Variants in MFN2 observed in about 807,000 individuals in gnomAD.
MFN2 encodes the protein mitofusin 2.
MFN2 carries 43 observed loss-of-function variants against 87.5 expected under a neutral mutation model. That is an observed-to-expected ratio of 0.49 (90% CI 0.38 to 0.63). MFN2 has a LOEUF of 0.63. Among genes scored for constraint, MFN2 ranks in the 30% least tolerant of loss-of-function variants. MFN2 has a pLI of 0.00. For synonymous variants in MFN2, 337 were observed against 359.9 expected (o/e 0.94, Z 0.72); for missense variants, 743 against 972.8 (o/e 0.76, Z 3.14).
Position 11,997,375 on chromosome 1 carries a change from A to C in MFN2, c.553A>C (p.Asn185His). The change falls in exon 6 of 19, where the codon AAC becomes CAC. Residue 185 changes from asparagine to histidine, a missense_variant. This residue lies in a region of MFN2 where 141 missense variants were observed against 278.9 expected (regional missense o/e 0.51). Transcript: ENST00000235329. ...CAGCCTAGTGAGTGTGATGTGGCCC[A>C]ACTCTAAGTGCCCACTTCTGAAGGA... ...AGSLVSVMWP[N>H]SKCPLLKDDL... The C allele has an allele frequency of 6.2e-7, 1 of 1,614,192 alleles. No homozygotes were observed. Among genetic ancestry groups the C allele is most frequent in the African/African-American group, 1.3e-5 (1 of 75,050 alleles).
chr1:11,997,721 T>C (rs1198328921), intron 6 of MFN2, among the ~76,000 whole-genome samples: 1 of 151,916 alleles, frequency 6.6e-6, no homozygotes, highest in African/African-American at 2.4e-5. Flanking sequence ...GTACTGGGGG[T>C]GGGGAGTTGT....
chr1:11,998,638 G>A lies in MFN2; in HGVS notation c.600-132G>A, dbSNP rs972606185. 2.3e-5 allele frequency: 19 copies of A among 814,174 alleles called. No individual in the cohort carries two copies. In the Admixed American group the frequency reaches 2.5e-4, roughly 11 times the overall value. The allele number at this position is 814,174 out of a possible 1,614,324, so 50.4% of individuals were successfully genotyped here. ...AGTAAAATCCGTTAATGAGGGCCAG[G>A]CCTGATTTCTCTCCCGTCCCTGGCT... On this transcript the variant is annotated intron_variant, in intron 6 of 18. Transcript: ENST00000235329.
At position 11,999,054 on chromosome 1, in the gene MFN2, C is replaced by T. The variant is rs587777875; in HGVS notation, c.775C>T (p.Arg259Cys). The change falls in exon 8 of 19, where the codon CGC becomes TGC. Residue 259 changes from arginine (R) to cysteine (C), a missense_variant. Around this residue, in one of 3 missense-constraint regions of MFN2, gnomAD observed 571 missense variants for 670.7 expected, o/e 0.85. Transcript: ENST00000235329. Reference sequence around the variant, plus strand: ...GCCAAACATCTTCATCCTGAACAACCGCTGGGATGCATCTGCCTCAGAGCC... The same window carrying T: ...GCCAAACATCTTCATCCTGAACAACTGCTGGGATGCATCTGCCTCAGAGCC... The part of the protein sequence containing the change: ...SRPNIFILNN[R>C]WDASASEPEY... The T allele has an allele frequency of 1.2e-6, 2 of 1,614,182 alleles. No homozygotes were observed.
intron 17 of MFN2, among the ~76,000 whole-genome samples, chr1:12,008,188 T>G (rs1639506285): frequency 6.6e-6 from 1 of 152,268 alleles, no homozygotes; most frequent in African/African-American, 2.4e-5. Context: ...TTCTCTATCT[T>G]TTCCCCACAT....
In MFN2 at chr1:12,005,902, C is replaced by T. The variant is rs747733583; in HGVS notation, c.1687C>T (p.Arg563Cys). The T allele has an allele frequency of 1.7e-5, 28 of 1,613,788 alleles. No individual in the cohort carries two copies. The highest frequency in any genetic ancestry group is 1.7e-4 in the Middle Eastern group (1 of 5,914). The change falls in exon 15 of 19, where the codon CGT (arginine) becomes TGT (cysteine). Residue 563 changes from arginine (R) to cysteine (C), a missense_variant. Physicochemically the swap from Arg to Cys is radical, Grantham distance 180 (BLOSUM62 -3). Transcript: ENST00000235329. ...VNRFLGPKNS[R>C]RALMGYNDQV... ...TAGGTTCCTGGGCCCCAAGAACAGCCGTCGGGCCTTGATGGGCTACAATGA... is the reference window on the plus strand; with the variant it reads ...TAGGTTCCTGGGCCCCAAGAACAGCTGTCGGGCCTTGATGGGCTACAATGA...
intron 2 of MFN2, among the ~76,000 whole-genome samples, chr1:11,986,136 G>A (rs1488346302): frequency 6.6e-6 from 1 of 152,130 alleles, no homozygotes; most frequent in African/African-American, 2.4e-5. Context: ...GCTTTGGGTC[G>A]GTCTGTCTTC....
chr1:12,010,640 C>T (rs1639652208), intron 18 of MFN2, among the ~76,000 whole-genome samples: 2 of 152,262 alleles, frequency 1.3e-5, no homozygotes, highest in Middle Eastern at 3.4e-3. Context: ...CTGGAAAGAA[C>T]ATCAGTCTGA....
At chr1:12,009,231 G>GAGGGAT in intron 17 of MFN2, among the ~76,000 whole-genome samples, 1 of 151,516 alleles carries the variant, frequency 6.6e-6, no homozygotes, top group East Asian at 2.0e-4. Flanking sequence ...GGGAGAGGGA[G>GAGGGAT]CGGGAGAGGG....
intron 3 of MFN2, 63 bp from the exon 4 acceptor site, chr1:11,992,492 C>T: frequency 6.2e-7 from 1 of 1,610,286 alleles, no homozygotes; most frequent in South Asian, 1.1e-5. Flanking sequence ...CTGGCCCTTC[C>T]AGACTTGGGA....
rs1639759083 is a variant in MFN2, at chr1:12,013,138, C to T, written c.*1573C>T. The stretch of plus-strand genomic sequence containing the variant: ...GCCTGAATGGACAGGGGCCACTTCA[C>T]AGCATGTCAGGGAAAATCACTGTCA... On this transcript the variant is annotated 3_prime_UTR_variant, in exon 19 of 19. Transcript: ENST00000235329. The T allele has an allele frequency of 5.7e-6, 2 of 349,272 alleles. No homozygotes were observed. The highest frequency in any genetic ancestry group is 7.8e-5 in the East Asian group (1 of 12,898). 21.6% of individuals were successfully genotyped at this position (349,272 alleles called of 1,614,324 possible).
intron 2 of MFN2, among the ~76,000 whole-genome samples, chr1:11,985,255 GAAAA>G (rs1638343971): frequency 6.6e-6 from 1 of 152,040 alleles, no homozygotes; most frequent in Non-Finnish European, 1.5e-5. Flanking sequence ...TGAGAGTAGA[GAAAA>G]AAGATAATTT....
Position 12,011,813 on chromosome 1 carries a change from A to G in MFN2, c.*248A>G, listed in dbSNP as rs1639711107. 1 of 577,532 alleles carries G rather than the reference A, an allele frequency of 1.7e-6. No homozygotes were observed. The highest frequency in any genetic ancestry group is 1.9e-5 in the African/African-American group (1 of 53,392). The allele number at this position is 577,532 out of a possible 1,614,324, so 35.8% of individuals were successfully genotyped here. On this transcript the variant is annotated 3_prime_UTR_variant, in exon 19 of 19. Coordinates refer to ENST00000235329, the MANE Select transcript of MFN2 (RefSeq NM_014874.4). Reference sequence around the variant, plus strand: ...CAGCGACAGCTATGGACAGCATGGTACCAAGGAGTTAAGTTGAGGCTTTTT... The same window carrying G: ...CAGCGACAGCTATGGACAGCATGGTGCCAAGGAGTTAAGTTGAGGCTTTTT...
intron 6 of MFN2, among the ~76,000 whole-genome samples, chr1:11,998,409 A>G (rs912495002): frequency 2.0e-5 from 3 of 151,844 alleles, no homozygotes; most frequent in South Asian, 2.1e-4. Flanking sequence ...TTAGCTGGGC[A>G]TGGTGGTGCG....
At position 12,001,531 on chromosome 1, in the gene MFN2, A is replaced by G; in HGVS notation, c.947A>G (p.Lys316Arg). The change falls in exon 9 of 19, where the codon AAA becomes AGA. Residue 316 changes from lysine to arginine, a missense_variant. Lys to Arg is a conservative substitution (Grantham distance 26). Around this residue, in one of 3 missense-constraint regions of MFN2, gnomAD observed 571 missense variants for 670.7 expected, o/e 0.85. Transcript: ENST00000235329. ...GAGGTGCTCAACGCCAGGATTCAGAAAGCCCAGGGCATGCCTGAAGGAGGT... is the reference window on the plus strand; with the variant it reads ...GAGGTGCTCAACGCCAGGATTCAGAGAGCCCAGGGCATGCCTGAAGGAGGT... Reference protein sequence around the residue: ...AKEVLNARIQKAQGMPEGGGA... With the variant: ...AKEVLNARIQRAQGMPEGGGA... 1 of 1,614,240 alleles carries G rather than the reference A, an allele frequency of 6.2e-7. No individual in the cohort carries two copies. Among genetic ancestry groups the G allele is most frequent in the African/African-American group, 1.3e-5 (1 of 75,066 alleles).
rs1639247969 is a variant in MFN2 at position 12,003,106 on chromosome 1, C to G, written c.1161-886C>G. ...AGATTTTTTTTTTGCTATTGGAAACCCTACTGCAGTGGACATTTGTTCATG... is the reference window on the plus strand; with the variant it reads ...AGATTTTTTTTTTGCTATTGGAAACGCTACTGCAGTGGACATTTGTTCATG... On this transcript the variant is annotated intron_variant, in intron 11 of 18. Transcript: ENST00000235329. This position sits in a 1 kb window ranked among gnomAD's most constrained non-coding sequence, Gnocchi z 4.1. 6.6e-6 allele frequency among the ~76,000 whole-genome samples: 1 copy of G among 152,102 alleles called. No individual in the cohort carries two copies. The highest frequency in any genetic ancestry group is 2.1e-4 in the South Asian group (1 of 4,834).
At position 12,012,872 on chromosome 1, in the gene MFN2, TAAGC is replaced by T. The variant is rs1639748249; in HGVS notation, c.*1310_*1313del. The T allele has an allele frequency of 6.5e-6, 1 of 153,336 alleles. No homozygotes were observed. The highest frequency in any genetic ancestry group is 2.4e-5 in the African/African-American group (1 of 41,422). 9.5% of individuals were successfully genotyped at this position (153,336 alleles called of 1,614,324 possible). Reference sequence around the variant, plus strand: ...CACAAGTTGGATCGCTTCCTAGAAATAAGCAACACCTCTCCCAAAAAGCAGCCCA... The same window carrying T: ...CACAAGTTGGATCGCTTCCTAGAAATAACACCTCTCCCAAAAAGCAGCCCA... On this transcript the variant is annotated 3_prime_UTR_variant, in exon 19 of 19. Transcript: ENST00000235329.
Position 12,004,880 on chromosome 1 carries a change from C to T in MFN2, c.1448C>T (p.Ser483Phe). 1.2e-6 allele frequency: 2 copies of T among 1,613,666 alleles called. No homozygotes were observed. The highest frequency in any genetic ancestry group is 1.3e-5 in the African/African-American group (1 of 75,018). ...GLGRNMSDRC[S>F]TAITNSLQTM... ...GGTCGAAACATGTCTGACCGCTGCT[C>T]CACGGCCATCACCAACTCCCTGCAG... The change falls in exon 14 of 19, where the codon TCC (serine) becomes TTC (phenylalanine). Residue 483 changes from serine (S) to phenylalanine (F), a missense_variant. Ser to Phe is a radical substitution (Grantham distance 155). Around this residue, in one of 3 missense-constraint regions of MFN2, gnomAD observed 571 missense variants for 670.7 expected, o/e 0.85. Coordinates refer to ENST00000235329, the MANE Select transcript of MFN2 (RefSeq NM_014874.4). This position sits in a 1 kb window ranked among gnomAD's most constrained non-coding sequence, Gnocchi z 4.2.
In MFN2 at chr1:11,989,287, A is replaced by G. The variant is rs1354203259; in HGVS notation, c.119A>G (p.Asn40Ser). Residue 40 changes from asparagine to serine, a missense_variant, in exon 3 of 19, where the codon AAT (asparagine) becomes AGT (serine). Physicochemically the swap from Asn to Ser is conservative, Grantham distance 46. Around this residue, in one of 3 missense-constraint regions of MFN2, gnomAD observed 141 missense variants for 278.9 expected, o/e 0.51. Transcript: ENST00000235329. ...TTTGTCACTGCCAAGAAGAAGATCAATGGCATTTTTGAGCAGCTGGGGGCC... is the reference window on the plus strand; with the variant it reads ...TTTGTCACTGCCAAGAAGAAGATCAGTGGCATTTTTGAGCAGCTGGGGGCC... The part of the protein sequence containing the change: ...KHFVTAKKKI[N>S]GIFEQLGAYI... The G allele has an allele frequency of 1.2e-5, 19 of 1,613,968 alleles. No individual in the cohort carries two copies. Among genetic ancestry groups the G allele is most frequent in the Non-Finnish European group, 1.5e-5 (18 of 1,180,034 alleles).
Position 12,001,759 on chromosome 1 carries a change from A to G in MFN2, c.971-10A>G, listed in dbSNP as rs1453045695. 2.5e-6 allele frequency: 4 copies of G among 1,614,092 alleles called. No individual in the cohort carries two copies. Among genetic ancestry groups the G allele is most frequent in the Admixed American group, 1.7e-5 (1 of 60,012 alleles). ...GTTGTTTCTGGACTAATGCAGTACA[A>G]TCCTCCTAGGGGGCGCTCTCGCAGA... On this transcript the variant is annotated splice_polypyrimidine_tract_variant and intron_variant, in intron 9 of 18. Coordinates refer to ENST00000235329, the MANE Select transcript of MFN2 (RefSeq NM_014874.4).
Sources: gnomAD v4.1 joint callset for allele counts (sites outside exome capture counted in the v4.1 genomes callset) on GRCh38, gnomAD v4.1.1 for gene constraint, gnomAD v4.1.1 regional missense constraint, Gnocchi (gnomAD v3.1) non-coding constraint, MANE v1.5 for transcripts, NCBI Gene and HGNC (gene_info 2026-07-23, HGNC 2026-07-21) for gene names.